The following BAHCC1 variants were observed in gnomAD, a reference collection of about 807,000 sequenced individuals.
The protein encoded by BAHCC1 is BAH domain and coiled-coil containing 1.
BAHCC1 carries 43 observed loss-of-function variants against 88.2 expected under a neutral mutation model. The ratio of observed to expected loss-of-function variants is 0.49; its 90% CI spans 0.38 to 0.63. The LOEUF (loss-of-function observed/expected upper bound fraction) is 0.63. Among genes scored for constraint, BAHCC1 ranks in the 20% least tolerant of loss-of-function variants. The pLI, the probability that BAHCC1 is intolerant of heterozygous loss-of-function variation, is 0.00. For missense variants in BAHCC1, 3,023 were observed against 1,654.8 expected, an observed-to-expected ratio of 1.83 and a Z score of -14.34; for synonymous variants, 1,510 against 745.5, an observed-to-expected ratio of 2.03 and a Z score of -16.71.
chr17:81,454,321 C>CCCCAGCT (rs2064703099), intron 14 of BAHCC1, among the ~76,000 whole-genome samples: 1 of 152,172 alleles, frequency 6.6e-6, no homozygotes, highest in African/African-American at 2.4e-5. Context: ...TTGACTTCTG[C>CCCCAGCT]CCCAGCTCCC....
chr17:81,398,103 G>A (rs909117713), intron 1 of BAHCC1, among the ~76,000 whole-genome samples: 7 of 152,138 alleles, frequency 4.6e-5, no homozygotes, highest in Non-Finnish European at 1.0e-4. Context: ...AAGGTTTTCC[G>A]CAAAGTTCCT....
chr17:81,424,403 A>T (rs2064149956), intron 2 of BAHCC1, among the ~76,000 whole-genome samples: 1 of 152,210 alleles, frequency 6.6e-6, no homozygotes, highest in South Asian at 2.1e-4. Flanking sequence ...GTGGGCTGGG[A>T]GAGTCAGGGT....
chr17:81,395,549 T>C lies in BAHCC1; in HGVS notation c.-293T>C, dbSNP rs2063738460. On this transcript the variant is annotated 5_prime_UTR_variant, in exon 1 of 28. Coordinates refer to ENST00000675386, the MANE Select transcript of BAHCC1 (RefSeq NM_001377448.1). The stretch of plus-strand genomic sequence containing the variant: ...CATTTACAGTGCAACAGTCAGCACA[T>C]TGAAAATACCAATAGGAATACAAAA... The C allele has an allele frequency of 6.6e-6, 1 of 150,776 alleles. No homozygotes were observed. The highest frequency in any genetic ancestry group is 2.0e-4 in the East Asian group (1 of 4,946). 9.3% of individuals were successfully genotyped at this position (150,776 alleles called of 1,614,324 possible). A position where few individuals can be genotyped will look rare whatever the true frequency, so the allele number is the denominator to read the frequency against.
rs569072765 is a variant in BAHCC1, at chr17:81,411,112, C to T, written c.178+11195C>T. 2 of 519,428 alleles carry T rather than the reference C, an allele frequency of 3.9e-6. No homozygotes were observed. Among genetic ancestry groups the T allele is most frequent in the South Asian group, 2.8e-5 (2 of 71,570 alleles). 32.2% of individuals were successfully genotyped at this position (519,428 alleles called of 1,614,324 possible). On this transcript the variant is annotated intron_variant, in intron 2 of 27. Transcript: ENST00000675386. This position sits in a 1 kb window ranked among gnomAD's most constrained non-coding sequence, Gnocchi z 6.2. The stretch of plus-strand genomic sequence containing the variant: ...TCACGCTCCCTTGTTCTCAGTCCCG[C>T]AGCCGTCCTCTGCGTGAGTCCATTC...
At chr17:81,450,511 C>T (rs1555655554) in intron 11 of BAHCC1, among the ~76,000 whole-genome samples, 6 of 152,192 alleles carry the variant, frequency 3.9e-5, no homozygotes, top group Admixed American at 3.3e-4. Flanking sequence ...CTGTCCCTGC[C>T]CCCAGGTTGA....
intron 2 of BAHCC1, 86 bp from the exon 3 acceptor site, chr17:81,426,714 G>A (rs1435835072): frequency 2.3e-5 from 9 of 398,390 alleles, no homozygotes; most frequent in Middle Eastern, 6.3e-4. Context: ...GTCCCCTGTG[G>A]AGAAGGGCTG....
At chr17:81,428,321 C>T (rs1159743194) in intron 3 of BAHCC1, among the ~76,000 whole-genome samples, 3 of 152,214 alleles carry the variant, frequency 2.0e-5, no homozygotes, top group Non-Finnish European at 4.4e-5. Context: ...CAGCATCTGG[C>T]TCCCAGGATG....
chr17:81,402,618 T>C (rs2063831490), intron 2 of BAHCC1: 1 of 152,236 alleles, frequency 6.6e-6, no homozygotes, highest in African/African-American at 2.4e-5. Context: ...ACCCGGATTC[T>C]TCCCGCCTGT....
chr17:81,412,808 C>T (rs1380373021), intron 2 of BAHCC1, among the ~76,000 whole-genome samples: 1 of 152,228 alleles, frequency 6.6e-6, no homozygotes, highest in African/African-American at 2.4e-5. Context: ...TTCTGTGAGT[C>T]GGGAATCTGA....
At position 81,458,857 on chromosome 17, in the gene BAHCC1, G is replaced by A. The variant is rs2029980297; in HGVS notation, c.5493G>A (p.Val1831=). 17 of 772,258 alleles carry A rather than the reference G, an allele frequency of 2.2e-5. No individual in the cohort carries two copies. In the East Asian group the frequency reaches 4.1e-4, roughly 19 times the overall value. The allele number at this position is 772,258 out of a possible 1,614,324, so 47.8% of individuals were successfully genotyped here. ...AVSRLLESFA[V]EEDFEFDDNS... is the part of the protein sequence containing the mutation. Reference sequence around the variant, plus strand: ...GCCGCCTGCTGGAAAGCTTCGCCGTGGAGGAAGACTTTGAGTTCGACGACA... The same window carrying A: ...GCCGCCTGCTGGAAAGCTTCGCCGTAGAGGAAGACTTTGAGTTCGACGACA... The change falls in exon 20 of 28, where the codon GTG becomes GTA. Residue 1831 remains valine, a synonymous_variant. Coordinates refer to ENST00000675386, the MANE Select transcript of BAHCC1 (RefSeq NM_001377448.1).
At chr17:81,426,747 C>T (rs1189789394) in intron 2 of BAHCC1, 53 bp from the exon 3 acceptor site, 1 of 398,444 alleles carries the variant, frequency 2.5e-6, no homozygotes, top group Non-Finnish European at 4.4e-6. Context: ...TGCCCTGCCT[C>T]AGGCCACACC....
In BAHCC1 at chr17:81,410,446, G is replaced by C. The variant is rs540965736; in HGVS notation, c.178+10529G>C. ...TTGGCTCCTGTGCCCTGGCACGGGG[G>C]TCCAGCTGCCCCACTTACCCCTACC... On this transcript the variant is annotated intron_variant, in intron 2 of 27. Transcript: ENST00000675386. Among the ~76,000 whole-genome samples the C allele has an allele frequency of 2.6e-5, 4 of 152,358 alleles. No individual in the cohort carries two copies. In the South Asian group the frequency reaches 8.3e-4, roughly 32 times the overall value.
In BAHCC1 at chr17:81,447,283, C is replaced by T. The variant is rs377203940; in HGVS notation, c.3411C>T (p.Thr1137=). The change falls in exon 11 of 28, where the codon ACC becomes ACT. Residue 1137 remains threonine, a synonymous_variant. Coordinates refer to ENST00000675386, the MANE Select transcript of BAHCC1 (RefSeq NM_001377448.1). ...ACCTTGCCGCCACCCCCTACCCTAC[C>T]GAGCGGGGACCCCAGGGGAAGGCAG... ...TQDLAATPYP[T]ERGPQGKAAD... The T allele has an allele frequency of 3.9e-5, 28 of 725,516 alleles. No homozygotes were observed. The highest frequency in any genetic ancestry group is 4.8e-5 in the Non-Finnish European group (19 of 393,356). 44.9% of individuals were successfully genotyped at this position (725,516 alleles called of 1,614,324 possible).
chr17:81,412,969 T>C (rs1039188428), intron 2 of BAHCC1: 2 of 276,680 alleles, frequency 7.2e-6, no homozygotes, highest in South Asian at 2.6e-5. Flanking sequence ...GGACGGAAGC[T>C]CGGTGCGGGT....
chr17:81,400,235 C>G (rs560719951), intron 2 of BAHCC1, among the ~76,000 whole-genome samples: 66 of 152,332 alleles, frequency 4.3e-4, no homozygotes, highest in Admixed American at 7.8e-4. Context: ...CCACGGAAAC[C>G]TCTTTTCTGC....
At chr17:81,426,424 AGTGGTGGGTGATGTGGTTGGGGGTGAT>A (rs2064200014) in intron 2 of BAHCC1, among the ~76,000 whole-genome samples, 1 of 54,620 alleles carries the variant, frequency 1.8e-5, no homozygotes, top group African/African-American at 6.9e-5. Flanking sequence ...TGGGGGTGAT[AGTGGTGGGTGATGTGGTTGGGGGTGAT>A]GTGGGTGATG....
At position 81,435,417 on chromosome 17, in the gene BAHCC1, G is replaced by T. The variant is rs782490246; in HGVS notation, c.359-2953G>T. 2.1e-6 allele frequency: 1 copy of T among 468,950 alleles called. No individual in the cohort carries two copies. The highest frequency in any genetic ancestry group is 1.5e-5 in the South Asian group (1 of 64,532). The allele number at this position is 468,950 out of a possible 1,614,324, so 29.0% of individuals were successfully genotyped here. On this transcript the variant is annotated intron_variant, in intron 3 of 27. Coordinates refer to ENST00000675386, the MANE Select transcript of BAHCC1 (RefSeq NM_001377448.1). The surrounding 1 kb of genome is among the most constrained non-coding windows in gnomAD (Gnocchi z 4.4). ...TCGGTGCGACCCCCACTGCCCCCAGGGCTCTTCCCCACGCTCCACCAGGCT... is the reference window on the plus strand; with the variant it reads ...TCGGTGCGACCCCCACTGCCCCCAGTGCTCTTCCCCACGCTCCACCAGGCT...
At position 81,458,423 on chromosome 17, in the gene BAHCC1, A is replaced by G. The variant is rs1555658059; in HGVS notation, c.5300A>G (p.Lys1767Arg). 1.3e-6 allele frequency: 1 copy of G among 742,858 alleles called. No individual in the cohort carries two copies. The highest frequency in any genetic ancestry group is 2.5e-5 in the East Asian group (1 of 39,898). The allele number at this position is 742,858 out of a possible 1,614,324, so 46.0% of individuals were successfully genotyped here. The change falls in exon 18 of 28, where the codon AAG becomes AGG. Residue 1767 changes from lysine (K) to arginine (R), a missense_variant. Lys to Arg is a conservative substitution (Grantham distance 26). Coordinates refer to ENST00000675386, the MANE Select transcript of BAHCC1 (RefSeq NM_001377448.1). ...EGSQLASERL[K>R]RATRKGTVLQ... ...AGCCAGCTGGCCAGTGAGCGCCTCA[A>G]GAGGGCCACGCGCAAGGGCACAGTG...
chr17:81,430,656 C>T lies in BAHCC1; in HGVS notation c.358+3677C>T, dbSNP rs1041195544. Among the ~76,000 whole-genome samples, 49 of 152,324 alleles carry T rather than the reference C, an allele frequency of 3.2e-4. No homozygotes were observed. In the South Asian group the frequency reaches 9.1e-3, roughly 28 times the overall value. On this transcript the variant is annotated intron_variant, in intron 3 of 27. Coordinates refer to ENST00000675386, the MANE Select transcript of BAHCC1 (RefSeq NM_001377448.1). ...GTTTAAGGGACAGAGGTCCCACCAG[C>T]GCCCACCCACCCCGAGTGTCCTCAG...
Sources: allele counts gnomAD v4.1 joint callset (sites outside exome capture counted in the v4.1 genomes callset), GRCh38; gene constraint gnomAD v4.1.1; non-coding constraint Gnocchi (gnomAD v3.1); transcripts MANE v1.5; gene names NCBI Gene and HGNC (gene_info 2026-07-23, HGNC 2026-07-21).